Variants in ESRRB observed in about 807,000 individuals in gnomAD.
The protein encoded by ESRRB is estrogen related receptor beta.
A neutral mutation model predicts 46.0 loss-of-function variants in ESRRB; 16 were observed. The ratio of observed to expected loss-of-function variants is 0.35; its 90% CI spans 0.24 to 0.53. The LOEUF (loss-of-function observed/expected upper bound fraction) is 0.53. ESRRB is among the 20% of genes least tolerant of loss of function. The pLI, the probability that ESRRB is intolerant of heterozygous loss-of-function variation, is 0.93. For missense variants in ESRRB, 488 were observed against 607.4 expected, an observed-to-expected ratio of 0.80 and a Z score of 2.07; for synonymous variants, 246 against 259.6, an observed-to-expected ratio of 0.95 and a Z score of 0.50.
At chr14:76,361,666 C>G (rs535815725) in intron 1 of ESRRB, among the ~76,000 whole-genome samples, 28 of 152,314 alleles carry the variant, frequency 1.8e-4, no homozygotes, top group African/African-American at 6.7e-4. Context: ...TTCTTTTGAA[C>G]TGTGAAACTC....
chr14:76,469,926 GTTGTTTTTTTTTTTTTTCTTTTTTTTTT>G (rs997936947), intron 3 of ESRRB, among the ~76,000 whole-genome samples: 2 of 67,650 alleles, frequency 3.0e-5, no homozygotes, highest in African/African-American at 5.1e-5. Context: ...TGTGTTTTTT[GTTGTTTTTTTTTTTTTTCTTTTTTTTTT>G]TTTTTTTTTT....
chr14:76,406,002 T>G (rs1427394505), intron 1 of ESRRB, among the ~76,000 whole-genome samples: 1 of 152,224 alleles, frequency 6.6e-6, no homozygotes, highest in Non-Finnish European at 1.5e-5. Context: ...TGAAGCAAGT[T>G]GACATTAGGT....
chr14:76,450,980 A>G (rs1400247418), intron 2 of ESRRB, among the ~76,000 whole-genome samples: 1 of 152,204 alleles, frequency 6.6e-6, no homozygotes, highest in South Asian at 2.1e-4. Context: ...CTTTTTGGAG[A>G]CACAGCCAGG....
intron 1 of ESRRB, among the ~76,000 whole-genome samples, chr14:76,399,651 T>G (rs1885852395): frequency 6.6e-6 from 1 of 152,150 alleles, no homozygotes; most frequent in South Asian, 2.1e-4. Flanking sequence ...ACAAAGAAAG[T>G]GAGGATGTGA....
intron 3 of ESRRB, among the ~76,000 whole-genome samples, chr14:76,480,719 T>G (rs942563352): frequency 6.6e-5 from 10 of 152,162 alleles, no homozygotes; most frequent in African/African-American, 1.9e-4. Flanking sequence ...GAAGGAAGAT[T>G]CTGTTTCTTC....
At chr14:76,475,105 G>A (rs554463034) in intron 3 of ESRRB, among the ~76,000 whole-genome samples, 1 of 152,184 alleles carries the variant, frequency 6.6e-6, no homozygotes, top group African/African-American at 2.4e-5. Context: ...GTCATGGCAT[G>A]TGCCTATGGT....
At chr14:76,420,562 T>A (rs1259365102) in intron 1 of ESRRB, among the ~76,000 whole-genome samples, 2 of 122,058 alleles carry the variant, frequency 1.6e-5, no homozygotes, top group Non-Finnish European at 3.4e-5. Flanking sequence ...GGTGTGAGTG[T>A]GTGTGTGTGT....
At chr14:76,325,740 A>G (rs8003968) in intron 1 of ESRRB, among the ~76,000 whole-genome samples, 2 of 152,000 alleles carry the variant, frequency 1.3e-5, no homozygotes, top group Non-Finnish European at 2.9e-5. Context: ...GCCACTAAAC[A>G]AGTAGGGCTT....
chr14:76,457,728 G>A (rs1210109147), intron 2 of ESRRB, among the ~76,000 whole-genome samples: 1 of 152,148 alleles, frequency 6.6e-6, no homozygotes, highest in Non-Finnish European at 1.5e-5. Context: ...CACCCAGGCT[G>A]GAGTGCAGTG....
chr14:76,336,303 A>C (rs892805321), intron 1 of ESRRB, among the ~76,000 whole-genome samples: 1 of 92,094 alleles, frequency 1.1e-5, no homozygotes, highest in East Asian at 3.4e-4. Context: ...AGGCTCAGCG[A>C]TGACTGGCCC....
At chr14:76,472,563 G>A (rs1378666419) in intron 3 of ESRRB, among the ~76,000 whole-genome samples, 1 of 152,204 alleles carries the variant, frequency 6.6e-6, no homozygotes, top group Non-Finnish European at 1.5e-5. Context: ...CAGCCCAAAT[G>A]AGCCATTGTG....
intron 1 of ESRRB, among the ~76,000 whole-genome samples, chr14:76,365,871 G>A (rs61979383): frequency 0.22 from 33,319 of 152,042 alleles, 4,017 homozygotes; most frequent in Non-Finnish European, 0.28. Context: ...ACTTTTAGTC[G>A]GTGTAAGTCT....
At chr14:76,443,117 T>C (rs1887989889) in intron 2 of ESRRB, among the ~76,000 whole-genome samples, 1 of 152,032 alleles carries the variant, frequency 6.6e-6, no homozygotes, top group African/African-American at 2.4e-5. Context: ...CGCCCGGTCA[T>C]AAAGTGATTT....
intron 6 of ESRRB, among the ~76,000 whole-genome samples, chr14:76,494,488 G>GT (rs1164180522): frequency 1.3e-5 from 2 of 152,010 alleles, no homozygotes; most frequent in Non-Finnish European, 2.9e-5. Context: ...TGTATTTTTA[G>GT]TAGAGACATG....
chr14:76,346,024 C>T (rs1457776437), intron 1 of ESRRB, among the ~76,000 whole-genome samples: 2 of 152,122 alleles, frequency 1.3e-5, no homozygotes, highest in East Asian at 3.9e-4. Flanking sequence ...TCTGTCCATG[C>T]CTCTCTCCTG....
Position 76,498,638 on chromosome 14 carries a change from GACGGGGA to G in ESRRB, c.*181_*187del. 1.4e-5 allele frequency: 14 copies of G among 981,616 alleles called. No individual in the cohort carries two copies. The highest frequency in any genetic ancestry group is 3.4e-5 in the African/African-American group (2 of 59,276). The allele number at this position is 981,616 out of a possible 1,614,324, so 60.8% of individuals were successfully genotyped here. A position where few individuals can be genotyped will look rare whatever the true frequency, so the allele number is the denominator to read the frequency against. On this transcript the variant is annotated 3_prime_UTR_variant, in exon 7 of 7. Transcript: ENST00000644823. ...GACTCCCGGGTGCAGTGGGGTGGGG[GACGGGGA>G]TGGGGGGGCAGGGGTGTGGGGCTCG...
In ESRRB at chr14:76,499,630, T is replaced by C. The variant is rs529682451; in HGVS notation, c.*1172T>C. The C allele has an allele frequency of 3.8e-5, 22 of 586,556 alleles. No individual in the cohort carries two copies. Among genetic ancestry groups the C allele is most frequent in the South Asian group, 3.4e-4 (18 of 52,348 alleles). 36.3% of individuals were successfully genotyped at this position (586,556 alleles called of 1,614,324 possible). A position where few individuals can be genotyped will look rare whatever the true frequency, so the allele number is the denominator to read the frequency against. On this transcript the variant is annotated 3_prime_UTR_variant, in exon 7 of 7. Transcript: ENST00000644823. ...TACCACACTTGGGCTACCAGAGGTT[T>C]GGTGTAGCTCCCCTGGGCACCGCGA...
chr14:76,489,972 G>A lies in ESRRB; in HGVS notation c.851-1475G>A, dbSNP rs141118943. Among the ~76,000 whole-genome samples, 680 of 152,292 alleles carry A rather than the reference G, an allele frequency of 4.5e-3. 7 individuals carry two copies. Among genetic ancestry groups the A allele is most frequent in the African/African-American group, 0.016 (654 of 41,558 alleles). ...CCCTAGCATGTTGAGTGCTGATGGC[G>A]CCGGGAGAGGTGCCCAGCACTGTAC... On this transcript the variant is annotated intron_variant, in intron 5 of 6. Coordinates refer to ENST00000644823, the MANE Select transcript of ESRRB (RefSeq NM_001379180.1).
intron 1 of ESRRB, among the ~76,000 whole-genome samples, chr14:76,412,265 C>T (rs191448135): frequency 7.8e-4 from 119 of 152,288 alleles, no homozygotes; most frequent in African/African-American, 2.6e-3. Flanking sequence ...GGGGCATGCT[C>T]CTGGGGTACA....
Sources: allele counts gnomAD v4.1 joint callset (sites outside exome capture counted in the v4.1 genomes callset), GRCh38; gene constraint gnomAD v4.1.1; transcripts MANE v1.5; gene names NCBI Gene and HGNC (gene_info 2026-07-23, HGNC 2026-07-21).